The following HIPK1 variants were observed in gnomAD, a reference collection of about 807,000 sequenced individuals.
HIPK1 encodes the protein homeodomain-interacting protein kinase 1.
Under a neutral mutation model 117.1 loss-of-function variants are expected in HIPK1, and 28 were observed. That is an observed-to-expected ratio of 0.24 (90% CI 0.18 to 0.33). The LOEUF (loss-of-function observed/expected upper bound fraction) is 0.33, where lower values mean the gene tolerates loss of function less well. Ranked by LOEUF, HIPK1 falls within the 10% of genes least tolerant of loss-of-function variation. The probability of loss-of-function intolerance (pLI) is 1.00; values close to 1 mark genes in which losing one functional copy is unlikely to be tolerated. For missense variants in HIPK1, 1,122 were observed against 1,475.1 expected, an observed-to-expected ratio of 0.76 and a Z score of 3.92; for synonymous variants, 605 against 562.5, an observed-to-expected ratio of 1.08 and a Z score of -1.07.
Position 113,929,373 on chromosome 1 carries a change from C to T in HIPK1, c.-162C>T. On this transcript the variant is annotated 5_prime_UTR_variant, in exon 1 of 16. Coordinates refer to ENST00000426820, the MANE Select transcript of HIPK1 (RefSeq NM_198268.3). The stretch of plus-strand genomic sequence containing the variant: ...CCACCGCCAGGCACCTTTAAATCAC[C>T]GCAGAGTCTGCAGTGCGGAGGGGGC... 1 of 1,289,470 alleles carries T rather than the reference C, an allele frequency of 7.8e-7. No individual in the cohort carries two copies. Among genetic ancestry groups the T allele is most frequent in the Non-Finnish European group, 1.0e-6 (1 of 988,868 alleles). The allele number at this position is 1,289,470 out of a possible 1,614,324, so 79.9% of individuals were successfully genotyped here.
rs538711515 is a variant in HIPK1, at chr1:113,969,128, T to G, written c.2771+480T>G. On this transcript the variant is annotated intron_variant, in intron 13 of 15. Coordinates refer to ENST00000426820, the MANE Select transcript of HIPK1 (RefSeq NM_198268.3). ...TACGGAAGAGGGAATGACCTCTTGC[T>G]TTTACCTGAGAAGGTAGGATTCACA... Among the ~76,000 whole-genome samples, 217 of 152,276 alleles carry G rather than the reference T, an allele frequency of 1.4e-3. 1 individual carries two copies. Among genetic ancestry groups the G allele is most frequent in the African/African-American group, 4.8e-3 (201 of 41,566 alleles).
intron 14 of HIPK1, among the ~76,000 whole-genome samples, chr1:113,970,859 A>G (rs1672777013): frequency 6.6e-6 from 1 of 152,208 alleles, no homozygotes; most frequent in African/African-American, 2.4e-5. Flanking sequence ...AGAAGGAGAA[A>G]GAAAGTGTGA....
intron 7 of HIPK1, 24 bp downstream of exon 7, chr1:113,957,310 A>C (rs1298641526): frequency 6.3e-7 from 1 of 1,587,206 alleles, no homozygotes; most frequent in Non-Finnish European, 8.6e-7. Context: ...AATTTTGGAA[A>C]CTCAAGCTTA....
At chr1:113,960,461 C>A (rs774526530) in intron 8 of HIPK1, among the ~76,000 whole-genome samples, 21 of 152,150 alleles carry the variant, frequency 1.4e-4, no homozygotes, top group Admixed American at 3.9e-4. Flanking sequence ...AAATAGATAA[C>A]ACATTTTGCT....
Position 113,973,589 on chromosome 1 carries a change from T to A in HIPK1, c.*77T>A. The A allele has an allele frequency of 6.7e-7, 1 of 1,486,976 alleles. No homozygotes were observed. 92.1% of individuals were successfully genotyped at this position (1,486,976 alleles called of 1,614,324 possible). On this transcript the variant is annotated 3_prime_UTR_variant, in exon 16 of 16. Coordinates refer to ENST00000426820, the MANE Select transcript of HIPK1 (RefSeq NM_198268.3). ...TTCTTAATATTGGGCTATGGAGAGATCCTCCTTTACCCTCTTGAAATTTCT... is the reference window on the plus strand; with the variant it reads ...TTCTTAATATTGGGCTATGGAGAGAACCTCCTTTACCCTCTTGAAATTTCT...
At chr1:113,962,255 A>T in intron 8 of HIPK1, 62 bp from the exon 9 acceptor site, 1 of 1,539,754 alleles carries the variant, frequency 6.5e-7, no homozygotes, top group South Asian at 1.2e-5. Flanking sequence ...AAAACAAAAT[A>T]ATCTTAAAAC....
intron 14 of HIPK1, among the ~76,000 whole-genome samples, chr1:113,971,463 C>T (rs1672817033): frequency 6.6e-6 from 1 of 152,248 alleles, no homozygotes; most frequent in Non-Finnish European, 1.5e-5. Context: ...ATAGCTTTCT[C>T]AGCTTCACAT....
At chr1:113,966,694 A>G (rs1234468838) in intron 11 of HIPK1, among the ~76,000 whole-genome samples, 2 of 152,178 alleles carry the variant, frequency 1.3e-5, no homozygotes, top group East Asian at 3.8e-4. Context: ...CACATCATGG[A>G]AAAGGGGGTG....
At chr1:113,959,642 A>C (rs1327427757) in intron 8 of HIPK1, among the ~76,000 whole-genome samples, 1 of 152,236 alleles carries the variant, frequency 6.6e-6, no homozygotes, top group Non-Finnish European at 1.5e-5. Context: ...TTAACAAAAC[A>C]AAATGTAAAC....
intron 10 of HIPK1, 77 bp downstream of exon 10, chr1:113,963,598 T>A: frequency 6.5e-7 from 1 of 1,528,344 alleles, no homozygotes; most frequent in African/African-American, 1.4e-5. Flanking sequence ...CTGTTTGTTT[T>A]TGTTCTGTTT....
At chr1:113,951,265 C>T (rs1671346295) in intron 2 of HIPK1, 1 of 984,598 alleles carries the variant, frequency 1.0e-6, no homozygotes, top group Non-Finnish European at 1.2e-6. Context: ...TGTATTCCAC[C>T]ATGTCAAATA....
chr1:113,933,609 C>T (rs994747522), intron 1 of HIPK1, among the ~76,000 whole-genome samples: 1 of 152,040 alleles, frequency 6.6e-6, no homozygotes, highest in Non-Finnish European at 1.5e-5. Flanking sequence ...GTGGCTCACA[C>T]CTGTAATCCC....
chr1:113,954,991 A>G (rs1171976593), intron 4 of HIPK1, among the ~76,000 whole-genome samples: 1 of 152,254 alleles, frequency 6.6e-6, no homozygotes, highest in Non-Finnish European at 1.5e-5. Flanking sequence ...GTATATGTTC[A>G]ATCCACAGCT....
At chr1:113,949,363 A>G (rs1367400197) in intron 2 of HIPK1, among the ~76,000 whole-genome samples, 1 of 152,162 alleles carries the variant, frequency 6.6e-6, no homozygotes, top group Non-Finnish European at 1.5e-5. Context: ...GAACTTGGAA[A>G]TTAATGATTC....
chr1:113,936,023 A>G (rs776970592), intron 1 of HIPK1, among the ~76,000 whole-genome samples: 4 of 152,204 alleles, frequency 2.6e-5, no homozygotes, highest in Admixed American at 1.3e-4. Flanking sequence ...TAATATCTTT[A>G]TCCTGTGTCT....
At chr1:113,950,729 G>A (rs1048405541) in intron 2 of HIPK1, among the ~76,000 whole-genome samples, 1 of 152,060 alleles carries the variant, frequency 6.6e-6, no homozygotes, top group African/African-American at 2.4e-5. Context: ...TCTCGAACTC[G>A]TGACCTCAAG....
intron 8 of HIPK1, among the ~76,000 whole-genome samples, chr1:113,959,076 T>G (rs1180230232): frequency 1.3e-5 from 2 of 152,144 alleles, no homozygotes; most frequent in Non-Finnish European, 2.9e-5. Context: ...TAGAAGAATG[T>G]TACTTTAAGG....
intron 1 of HIPK1, among the ~76,000 whole-genome samples, chr1:113,932,504 G>C (rs946426442): frequency 2.1e-5 from 3 of 140,918 alleles, no homozygotes. Flanking sequence ...TAAGTAGCTA[G>C]GACTACAGGC....
intron 15 of HIPK1, among the ~76,000 whole-genome samples, chr1:113,972,429 C>T (rs12093638): frequency 1.3e-5 from 2 of 152,124 alleles, no homozygotes; most frequent in African/African-American, 2.4e-5. Context: ...TCTCCGAACA[C>T]CCCCAGCCCC....
Sources: allele counts gnomAD v4.1 joint callset (sites outside exome capture counted in the v4.1 genomes callset), GRCh38; gene constraint gnomAD v4.1.1; transcripts MANE v1.5; gene names NCBI Gene and HGNC (gene_info 2026-07-23, HGNC 2026-07-21).